SLC38A12: variants seen among roughly 807,000 people sequenced by gnomAD.
The protein encoded by SLC38A12 is putative sodium-coupled neutral amino acid transporter 12.
At chr17:74,787,495 G>T in the SLC38A12 span, among the ~76,000 whole-genome samples, 1 of 151,984 alleles carries the variant, frequency 6.6e-6, no homozygotes, top group South Asian at 2.1e-4. Context: ...GGTGGCGGGT[G>T]CCTGTAGTCC....
At chr17:74,813,169 G>A in the SLC38A12 span, among the ~76,000 whole-genome samples, 37 of 152,230 alleles carry the variant, frequency 2.4e-4, no homozygotes, top group Non-Finnish European at 4.0e-4. Flanking sequence ...CAAAAGCGTC[G>A]CCTGCGTGCT....
the SLC38A12 span, chr17:74,785,376 C>G: frequency 6.7e-7 from 1 of 1,502,244 alleles, no homozygotes; most frequent in East Asian, 2.3e-5. Context: ...ACAGTGTGGC[C>G]TTCTGGCCTC....
At chr17:74,829,479 G>T in the SLC38A12 span, among the ~76,000 whole-genome samples, 2 of 152,016 alleles carry the variant, frequency 1.3e-5, no homozygotes, top group Non-Finnish European at 2.9e-5. The surrounding 1 kb of genome is among the most constrained non-coding windows in gnomAD (Gnocchi z 4.1). Context: ...CCTCGGCCTC[G>T]TGTGGCCCTG....
the SLC38A12 span, among the ~76,000 whole-genome samples, chr17:74,796,597 G>A: frequency 5.9e-5 from 9 of 152,256 alleles, no homozygotes; most frequent in Non-Finnish European, 1.3e-4. Flanking sequence ...TGCTGTAGGA[G>A]CCCTGTGGCC....
At chr17:74,776,603 G>T in the SLC38A12 span, 1 of 151,694 alleles carries the variant, frequency 6.6e-6, no homozygotes, top group Non-Finnish European at 1.5e-5. Context: ...GGGTCGGGAC[G>T]GGCGGGAGAG....
At chr17:74,800,404 G>A in the SLC38A12 span, among the ~76,000 whole-genome samples, 1 of 152,258 alleles carries the variant, frequency 6.6e-6, no homozygotes, top group Non-Finnish European at 1.5e-5. Flanking sequence ...GGGCACTCAA[G>A]TAGTGTTAGA....
At chr17:74,829,809 G>A in the SLC38A12 span, among the ~76,000 whole-genome samples, 1 of 151,266 alleles carries the variant, frequency 6.6e-6, no homozygotes, top group Non-Finnish European at 1.5e-5. This position sits in a 1 kb window ranked among gnomAD's most constrained non-coding sequence, Gnocchi z 4.1. Flanking sequence ...CTCCAGTGGT[G>A]CCTGGGAAGG....
chr17:74,790,121 C>G, the SLC38A12 span: 3 of 1,197,854 alleles, frequency 2.5e-6, no homozygotes, highest in South Asian at 3.7e-5. Flanking sequence ...ACCTGGCTAA[C>G]ATTCTGTACT....
the SLC38A12 span, chr17:74,836,187 G>A: frequency 2.5e-5 from 40 of 1,612,546 alleles, no homozygotes; most frequent in Admixed American, 1.2e-4. The surrounding 1 kb of genome is among the most constrained non-coding windows in gnomAD (Gnocchi z 4.2). Context: ...CTGCTTCCGC[G>A]GCGACAGCCT....
the SLC38A12 span, chr17:74,838,198 G>A: frequency 1.8e-4 from 176 of 985,646 alleles, no homozygotes; most frequent in Admixed American, 4.3e-4. Flanking sequence ...TCTCTGTGCC[G>A]TCGCACCTCA....
the SLC38A12 span, among the ~76,000 whole-genome samples, chr17:74,805,470 G>A: frequency 0.29 from 43,797 of 152,090 alleles, 6,607 homozygotes; most frequent in East Asian, 0.42. This position sits in a 1 kb window ranked among gnomAD's most constrained non-coding sequence, Gnocchi z 5.0. Flanking sequence ...TCTAGACCCC[G>A]CAGCGTGCCA....
the SLC38A12 span, among the ~76,000 whole-genome samples, chr17:74,819,033 G>A: frequency 2.6e-5 from 4 of 152,190 alleles, no homozygotes; most frequent in East Asian, 7.7e-4. Flanking sequence ...AGAAATGAGA[G>A]GACCCATGCT....
chr17:74,787,675 G>A, the SLC38A12 span, among the ~76,000 whole-genome samples: 5 of 151,794 alleles, frequency 3.3e-5, no homozygotes, highest in Non-Finnish European at 7.4e-5. Context: ...GTCCCATGCT[G>A]TTCCACGGCA....
chr17:74,832,128 G>C, the SLC38A12 span, among the ~76,000 whole-genome samples: 1 of 152,034 alleles, frequency 6.6e-6, no homozygotes, highest in African/African-American at 2.4e-5. Flanking sequence ...GTTAAGCCTC[G>C]GGCCATGGTC....
chr17:74,817,759 T>C, the SLC38A12 span, among the ~76,000 whole-genome samples: 1 of 151,712 alleles, frequency 6.6e-6, no homozygotes. Context: ...CCCCTGGGGG[T>C]GGTTCTGCTG....
At chr17:74,836,060 C>G in the SLC38A12 span, 3 of 1,613,596 alleles carry the variant, frequency 1.9e-6, no homozygotes, top group Non-Finnish European at 2.5e-6. This position sits in a 1 kb window ranked among gnomAD's most constrained non-coding sequence, Gnocchi z 4.2. Context: ...TGTGCCAGCA[C>G]TCTCTGCCAT....
the SLC38A12 span, among the ~76,000 whole-genome samples, chr17:74,781,985 A>C: frequency 6.6e-6 from 1 of 152,192 alleles, no homozygotes; most frequent in Non-Finnish European, 1.5e-5. Flanking sequence ...GCACCTTCTC[A>C]TCCTCCAGCT....
the SLC38A12 span, among the ~76,000 whole-genome samples, chr17:74,810,584 CTG>C: frequency 6.6e-6 from 1 of 152,210 alleles, no homozygotes; most frequent in Non-Finnish European, 1.5e-5. Flanking sequence ...AAGATTGGCA[CTG>C]TCTGTCATGC....
At chr17:74,783,721 CTT>C in the SLC38A12 span, among the ~76,000 whole-genome samples, 2,565 of 103,930 alleles carry the variant, frequency 0.025, 66 homozygotes, top group African/African-American at 0.077. Flanking sequence ...CATGCTTTTT[CTT>C]TTTTTTTTTT....
Sources: allele counts gnomAD v4.1 joint callset (sites outside exome capture counted in the v4.1 genomes callset), GRCh38; gene constraint gnomAD v4.1.1; non-coding constraint Gnocchi (gnomAD v3.1); transcripts MANE v1.5; gene names NCBI Gene and HGNC (gene_info 2026-07-23, HGNC 2026-07-21).